Variants in SV2B observed in about 807,000 individuals in gnomAD.
The protein encoded by SV2B is solute carrier family 22 member B2.
A neutral mutation model predicts 73.9 loss-of-function variants in SV2B; 41 were observed. That is an observed-to-expected ratio of 0.56 (90% CI 0.43 to 0.72). The LOEUF (loss-of-function observed/expected upper bound fraction) is 0.72. SV2B is among the 30% of genes least tolerant of loss of function. SV2B has a pLI of 0.00. For missense variants in SV2B, 764 were observed against 857.8 expected, an observed-to-expected ratio of 0.89 and a Z score of 1.37; for synonymous variants, 314 against 314.2, an observed-to-expected ratio of 1.00 and a Z score of 0.01.
chr15:91,149,014 C>T (rs1018739272), intron 1 of SV2B, among the ~76,000 whole-genome samples: 4 of 152,236 alleles, frequency 2.6e-5, no homozygotes, highest in Non-Finnish European at 5.9e-5. Flanking sequence ...ATGGACTAAT[C>T]GCATTGACCA....
At chr15:91,225,386 G>A (rs1319319150) in intron 1 of SV2B, among the ~76,000 whole-genome samples, 1 of 152,146 alleles carries the variant, frequency 6.6e-6, no homozygotes, top group Non-Finnish European at 1.5e-5. Context: ...CGGCATTTTC[G>A]TAGCAGAAAC....
At chr15:91,184,409 A>G (rs1449107534) in intron 1 of SV2B, among the ~76,000 whole-genome samples, 1 of 152,206 alleles carries the variant, frequency 6.6e-6, no homozygotes, top group African/African-American at 2.4e-5. Context: ...TTACCTGGAC[A>G]TCATAAATTG....
chr15:91,142,735 A>G (rs766730715), intron 1 of SV2B, among the ~76,000 whole-genome samples: 5 of 152,218 alleles, frequency 3.3e-5, no homozygotes, highest in Admixed American at 2.0e-4. Context: ...TAGAAGGTCC[A>G]GGATCCAACC....
intron 1 of SV2B, among the ~76,000 whole-genome samples, chr15:91,108,956 T>G (rs1452543369): frequency 6.6e-6 from 1 of 152,188 alleles, no homozygotes; most frequent in African/African-American, 2.4e-5. Flanking sequence ...CCTGTTCCCT[T>G]CAGTTGTTAG....
intron 1 of SV2B, among the ~76,000 whole-genome samples, chr15:91,185,786 G>A (rs2044746732): frequency 6.6e-6 from 1 of 152,142 alleles, no homozygotes; most frequent in South Asian, 2.1e-4. Context: ...GATCTCCTTT[G>A]TCCAAATCAA....
intron 1 of SV2B, among the ~76,000 whole-genome samples, chr15:91,108,655 C>G (rs942526879): frequency 6.6e-6 from 1 of 152,242 alleles, no homozygotes; most frequent in Non-Finnish European, 1.5e-5. Flanking sequence ...CTGGCAGGTA[C>G]TCAGCAGCTA....
At chr15:91,166,818 C>CTTTTT (rs758428764) in intron 1 of SV2B, among the ~76,000 whole-genome samples, 9 of 139,140 alleles carry the variant, frequency 6.5e-5, no homozygotes, top group East Asian at 2.0e-4. Context: ...GTTTTCTTTT[C>CTTTTT]TTTTTTTTTT....
intron 1 of SV2B, among the ~76,000 whole-genome samples, chr15:91,168,322 G>C (rs1210434673): frequency 1.3e-5 from 2 of 151,898 alleles, no homozygotes; most frequent in African/African-American, 4.8e-5. Context: ...GAGAGAGAGA[G>C]AGAGAGAGAA....
At chr15:91,158,685 T>TCTTCTCTTCTCTTCC (rs2043587263) in intron 1 of SV2B, among the ~76,000 whole-genome samples, 1 of 61,470 alleles carries the variant, frequency 1.6e-5, no homozygotes. Context: ...TCTTCTCTTC[T>TCTTCTCTTCTCTTCC]CTTCTCTTCT....
At chr15:91,173,020 G>T (rs1467668997) in intron 1 of SV2B, among the ~76,000 whole-genome samples, 2 of 152,024 alleles carry the variant, frequency 1.3e-5, no homozygotes, top group Admixed American at 6.6e-5. Context: ...TGCTTTGAAA[G>T]ATACAAAGAG....
chr15:91,296,946 ATTCTGCCCGATTGTTGGGAGCACGCTCC>A lies in SV2B; in HGVS notation c.*4406_*4433del, dbSNP rs2049268711. ...CTGCCCGATCGTTGGGAGCACGCTC[ATTCTGCCCGATTGTTGGGAGCACGCTCC>A]TTCTGCCCGATCGTTGGGCGCACGC... On this transcript the variant is annotated 3_prime_UTR_variant, in exon 13 of 13. Transcript: ENST00000394232. The A allele has an allele frequency of 2.6e-4, 9 of 34,040 alleles. No homozygotes were observed. The highest frequency in any genetic ancestry group is 1.1e-3 in the African/African-American group (9 of 7,944). The allele number at this position is 34,040 out of a possible 1,614,324, so 2.1% of individuals were successfully genotyped here.
intron 2 of SV2B, among the ~76,000 whole-genome samples, chr15:91,238,585 C>T (rs2046881394): frequency 1.3e-5 from 2 of 152,220 alleles, no homozygotes; most frequent in Admixed American, 1.3e-4. Flanking sequence ...TTGGCATTGG[C>T]CTCTCAGGGT....
At chr15:91,243,053 C>T (rs2047082514) in intron 2 of SV2B, among the ~76,000 whole-genome samples, 1 of 152,186 alleles carries the variant, frequency 6.6e-6, no homozygotes, top group Non-Finnish European at 1.5e-5. Context: ...ATTTGTATAA[C>T]CTGCCTGGGC....
At chr15:91,158,195 T>A (rs974596679) in intron 1 of SV2B, among the ~76,000 whole-genome samples, 1 of 152,232 alleles carries the variant, frequency 6.6e-6, no homozygotes, top group African/African-American at 2.4e-5. Flanking sequence ...AAGAGGGCTC[T>A]GCCCTTGTTG....
intron 1 of SV2B, among the ~76,000 whole-genome samples, chr15:91,114,424 ACT>A (rs1001175761): frequency 5.0e-4 from 76 of 151,990 alleles, no homozygotes; most frequent in African/African-American, 1.8e-3. Context: ...TTGGATGATA[ACT>A]CTCTCATCTG....
chr15:91,160,002 A>G (rs774512856), intron 1 of SV2B, among the ~76,000 whole-genome samples: 8 of 152,192 alleles, frequency 5.3e-5, no homozygotes, highest in Non-Finnish European at 8.8e-5. Flanking sequence ...CAAGGGATAA[A>G]TTATAAGAAA....
At position 91,252,074 on chromosome 15, in the gene SV2B, G is replaced by C; in HGVS notation, c.632+75G>C. 1 of 1,549,828 alleles carries C rather than the reference G, an allele frequency of 6.5e-7. No individual in the cohort carries two copies. The highest frequency in any genetic ancestry group is 8.7e-7 in the Non-Finnish European group (1 of 1,143,802). ...CCATTCTGGTATTCTAGCTCCAAGA[G>C]GTAACTCTAGAAACCCTTGGACTGA... On this transcript the variant is annotated intron_variant, in intron 3 of 12. Coordinates refer to ENST00000394232, the MANE Select transcript of SV2B (RefSeq NM_001323032.3). The surrounding 1 kb of genome is among the most constrained non-coding windows in gnomAD (Gnocchi z 4.6).
At chr15:91,183,825 C>T (rs765345139) in intron 1 of SV2B, among the ~76,000 whole-genome samples, 11 of 152,270 alleles carry the variant, frequency 7.2e-5, no homozygotes, top group South Asian at 4.1e-4. Context: ...GGGAGGAAAC[C>T]GACTATTTGC....
At position 91,232,434 on chromosome 15, in the gene SV2B, G is replaced by A. The variant is rs2046613713; in HGVS notation, c.451+5720G>A. On this transcript the variant is annotated intron_variant, in intron 2 of 12. Coordinates refer to ENST00000394232, the MANE Select transcript of SV2B (RefSeq NM_001323032.3). This position sits in a 1 kb window ranked among gnomAD's most constrained non-coding sequence, Gnocchi z 4.7. ...GGATTGCTGTGTTTAGGAGTGTGGA[G>A]TTGATTCCACCGGCAATGGAGAGCT... Among the ~76,000 whole-genome samples, 2 of 152,192 alleles carry A rather than the reference G, an allele frequency of 1.3e-5. No individual in the cohort carries two copies. Among genetic ancestry groups the A allele is most frequent in the South Asian group, 4.1e-4 (2 of 4,832 alleles).
Sources: allele counts gnomAD v4.1 joint callset (sites outside exome capture counted in the v4.1 genomes callset), GRCh38; gene constraint gnomAD v4.1.1; non-coding constraint Gnocchi (gnomAD v3.1); transcripts MANE v1.5; gene names NCBI Gene and HGNC (gene_info 2026-07-23, HGNC 2026-07-21).